The following CPEB1 variants were observed in gnomAD, a reference collection of about 807,000 sequenced individuals.
The protein encoded by CPEB1 is cytoplasmic polyadenylation element binding protein 1, also known as cytoplasmic polyadenylation element-binding protein 1.
A neutral mutation model predicts 65.8 loss-of-function variants in CPEB1; 7 were observed. The observed-to-expected ratio is 0.11, with a 90% confidence interval of 0.06 to 0.20. The LOEUF (loss-of-function observed/expected upper bound fraction) is 0.20, where lower values mean the gene tolerates loss of function less well. Ranked by LOEUF, CPEB1 falls within the 10% of genes least tolerant of loss-of-function variation. CPEB1 has a pLI of 1.00. For synonymous variants in CPEB1, 262 were observed against 260.0 expected, an observed-to-expected ratio of 1.01 and a Z score of -0.08; for missense variants, 551 against 712.2, an observed-to-expected ratio of 0.77 and a Z score of 2.58.
intron 1 of CPEB1, among the ~76,000 whole-genome samples, chr15:82,638,854 G>T (rs184498819): frequency 6.6e-6 from 1 of 152,268 alleles, no homozygotes. Context: ...AGTGACACTG[G>T]CTTTTCTGGG....
At chr15:82,588,905 A>G (rs1358264776) in intron 3 of CPEB1, among the ~76,000 whole-genome samples, 1 of 152,190 alleles carries the variant, frequency 6.6e-6, no homozygotes, top group Admixed American at 6.5e-5. Context: ...TATGTTCTTA[A>G]GATTGAGTAT....
At chr15:82,645,893 A>G (rs1367327519) in intron 1 of CPEB1, among the ~76,000 whole-genome samples, 1 of 151,682 alleles carries the variant, frequency 6.6e-6, no homozygotes, top group Non-Finnish European at 1.5e-5. Flanking sequence ...ATAAATAAAT[A>G]TTAAAAAATA....
chr15:82,613,834 T>C (rs576592057), intron 3 of CPEB1, among the ~76,000 whole-genome samples: 310 of 152,116 alleles, frequency 2.0e-3, no homozygotes, highest in Non-Finnish European at 3.5e-3. Flanking sequence ...TCACCCTGGA[T>C]GGGAGCCTGG....
At chr15:82,637,452 T>C (rs992082181) in intron 1 of CPEB1, among the ~76,000 whole-genome samples, 3 of 152,034 alleles carry the variant, frequency 2.0e-5, no homozygotes, top group African/African-American at 7.2e-5. Context: ...GTCTCTCCCA[T>C]GTTTAGAACT....
intron 3 of CPEB1, among the ~76,000 whole-genome samples, chr15:82,593,623 T>G (rs2042436808): frequency 6.6e-6 from 1 of 152,240 alleles, no homozygotes; most frequent in Non-Finnish European, 1.5e-5. Flanking sequence ...ATCACAAATG[T>G]TCTTAACAGT....
intron 1 of CPEB1, among the ~76,000 whole-genome samples, chr15:82,642,515 G>A (rs1242862403): frequency 1.3e-5 from 2 of 152,122 alleles, no homozygotes; most frequent in Admixed American, 6.5e-5. Flanking sequence ...ACCACTGCCC[G>A]CCAGCCTGGG....
chr15:82,550,819 T>A (rs2036106721), intron 9 of CPEB1, among the ~76,000 whole-genome samples: 1 of 152,034 alleles, frequency 6.6e-6, no homozygotes, highest in African/African-American at 2.4e-5. Context: ...ATGTTGGTGC[T>A]GGCGGGGAGA....
At chr15:82,549,770 A>G (rs2150937709) in intron 9 of CPEB1, 112 bp from the exon 10 acceptor site, 5 of 984,568 alleles carry the variant, frequency 5.1e-6, no homozygotes, top group Non-Finnish European at 7.7e-6. Flanking sequence ...ACGCCCTTAC[A>G]GGGGTGAAAA....
chr15:82,587,088 G>A (rs538840932), intron 3 of CPEB1, among the ~76,000 whole-genome samples: 1 of 152,224 alleles, frequency 6.6e-6, no homozygotes, highest in East Asian at 1.9e-4. Context: ...AAAAATAACT[G>A]TTCTACTTAT....
chr15:82,606,975 A>C (rs2043671319), intron 3 of CPEB1, among the ~76,000 whole-genome samples: 1 of 152,104 alleles, frequency 6.6e-6, no homozygotes, highest in Non-Finnish European at 1.5e-5. Flanking sequence ...TCTTTAAAAA[A>C]AACAAGAAAC....
intron 1 of CPEB1, among the ~76,000 whole-genome samples, chr15:82,630,551 A>T (rs1331609052): frequency 1.3e-5 from 2 of 152,122 alleles, no homozygotes; most frequent in Non-Finnish European, 2.9e-5. Context: ...GGTTGCAGTG[A>T]GCAGAGATTG....
intron 3 of CPEB1, among the ~76,000 whole-genome samples, chr15:82,608,265 T>C (rs1407182614): frequency 2.0e-5 from 3 of 152,132 alleles, no homozygotes; most frequent in African/African-American, 7.2e-5. Flanking sequence ...AATAATTGCC[T>C]CTGATTTTTT....
chr15:82,596,904 T>C (rs2042708403), intron 3 of CPEB1, among the ~76,000 whole-genome samples: 1 of 152,136 alleles, frequency 6.6e-6, no homozygotes, highest in African/African-American at 2.4e-5. Context: ...GATACCAGGA[T>C]GAATACATGC....
chr15:82,571,272 T>C (rs1342624742), intron 4 of CPEB1, 72 bp downstream of exon 4: 5 of 1,536,092 alleles, frequency 3.3e-6, no homozygotes, highest in African/African-American at 1.4e-5. Context: ...AGAACAACTG[T>C]TGCTGTGGAT....
intron 1 of CPEB1, among the ~76,000 whole-genome samples, chr15:82,638,397 A>G (rs1429551404): frequency 6.6e-6 from 1 of 152,212 alleles, no homozygotes; most frequent in Non-Finnish European, 1.5e-5. Context: ...AGTTAATAGT[A>G]AATAGTACCA....
chr15:82,597,745 A>G (rs1884541057), intron 3 of CPEB1, among the ~76,000 whole-genome samples: 1 of 152,130 alleles, frequency 6.6e-6, no homozygotes, highest in Non-Finnish European at 1.5e-5. Flanking sequence ...TCTGCTTAAC[A>G]TTTTTTAATT....
At chr15:82,544,830 G>C in intron 12 of CPEB1, 128 bp from the exon 13 acceptor site, 1 of 698,510 alleles carries the variant, frequency 1.4e-6, no homozygotes, top group Non-Finnish European at 2.5e-6. Context: ...TGGGTTAGAA[G>C]AAATGGTCCC....
At chr15:82,597,384 T>G (rs55769553) in intron 3 of CPEB1, among the ~76,000 whole-genome samples, 1,550 of 152,336 alleles carry the variant, frequency 0.01, 14 homozygotes, top group African/African-American at 0.011. Flanking sequence ...TCCAAAGGAC[T>G]GAGCCCTGAA....
At chr15:82,647,887 T>C, upstream of CPEB1, 3 of 1,246,296 alleles carry the variant, frequency 2.4e-6, no homozygotes, top group Non-Finnish European at 1.0e-6. Context: ...GGTGTGGCCC[T>C]GCGGGGCTGA....
Sources: gnomAD v4.1 joint callset for allele counts (sites outside exome capture counted in the v4.1 genomes callset) on GRCh38, gnomAD v4.1.1 for gene constraint, MANE v1.5 for transcripts, NCBI Gene and HGNC (gene_info 2026-07-23, HGNC 2026-07-21) for gene names.